The following TNFSF4 variants were observed in gnomAD, a reference collection of about 807,000 sequenced individuals.
The protein encoded by TNFSF4 is tumor necrosis factor ligand superfamily member 4.
TNFSF4 carries 4 observed loss-of-function variants against 7.3 expected under a neutral mutation model. The ratio of observed to expected loss-of-function variants is 0.55; its 90% CI spans 0.27 to 1.25. The LOEUF is 1.25. TNFSF4 is among the 50% of genes most tolerant of loss of function. The pLI is 0.12. For missense variants in TNFSF4, 181 were observed against 208.8 expected, an observed-to-expected ratio of 0.87 and a Z score of 0.82; for synonymous variants, 76 against 83.7, an observed-to-expected ratio of 0.91 and a Z score of 0.50.
the TNFSF4 span, among the ~76,000 whole-genome samples, chr1:173,335,322 C>A: frequency 6.6e-6 from 1 of 152,168 alleles, no homozygotes; most frequent in South Asian, 2.1e-4. Context: ...GAAGGCACAT[C>A]TTGACTGTGA....
chr1:173,260,365 C>A, the TNFSF4 span, among the ~76,000 whole-genome samples: 3 of 152,120 alleles, frequency 2.0e-5, no homozygotes, highest in Admixed American at 6.6e-5. Context: ...AAGGAAAAAC[C>A]ATTACCAGCC....
chr1:173,216,577 G>A, the TNFSF4 span, among the ~76,000 whole-genome samples: 1 of 152,272 alleles, frequency 6.6e-6, no homozygotes, highest in South Asian at 2.1e-4. Context: ...CAGAGACTGA[G>A]GGTGGATGGA....
the TNFSF4 span, among the ~76,000 whole-genome samples, chr1:173,403,155 G>T: frequency 1.3e-5 from 2 of 152,114 alleles, no homozygotes; most frequent in Non-Finnish European, 2.9e-5. Flanking sequence ...CCTGGCCCAA[G>T]AATTTGCATT....
At chr1:173,336,520 T>C in the TNFSF4 span, among the ~76,000 whole-genome samples, 7 of 152,146 alleles carry the variant, frequency 4.6e-5, no homozygotes, top group African/African-American at 1.7e-4. Flanking sequence ...AGAAGTAGTT[T>C]CAAGCAGTTT....
the TNFSF4 span, among the ~76,000 whole-genome samples, chr1:173,291,724 G>A: frequency 1.3e-5 from 2 of 151,750 alleles, no homozygotes; most frequent in Middle Eastern, 3.2e-3. Context: ...CTCTTTGAAA[G>A]AATAAGCAAG....
the TNFSF4 span, among the ~76,000 whole-genome samples, chr1:173,337,192 A>G: frequency 1.3e-5 from 2 of 152,110 alleles, no homozygotes; most frequent in Non-Finnish European, 2.9e-5. Flanking sequence ...TTGGAGCAAA[A>G]CCCTGCAATA....
chr1:173,384,686 T>G, the TNFSF4 span, among the ~76,000 whole-genome samples: 1 of 152,174 alleles, frequency 6.6e-6, no homozygotes, highest in Non-Finnish European at 1.5e-5. Flanking sequence ...ATGAAACAAA[T>G]TTTTAATATA....
chr1:173,446,382 C>T, the TNFSF4 span, among the ~76,000 whole-genome samples: 1 of 152,170 alleles, frequency 6.6e-6, no homozygotes, highest in Non-Finnish European at 1.5e-5. Flanking sequence ...AAAACCTGCA[C>T]ATGGATGTAC....
the TNFSF4 span, among the ~76,000 whole-genome samples, chr1:173,438,072 T>C: frequency 2.0e-5 from 3 of 152,092 alleles, no homozygotes; most frequent in Non-Finnish European, 2.9e-5. Context: ...TTCAGAAACA[T>C]GGTATGTCCC....
the TNFSF4 span, among the ~76,000 whole-genome samples, chr1:173,385,429 A>G: frequency 1.3e-5 from 2 of 152,378 alleles, no homozygotes; most frequent in East Asian, 3.9e-4. Context: ...CTCTATAGCT[A>G]AAAAGGCTAA....
chr1:173,332,212 C>G, the TNFSF4 span, among the ~76,000 whole-genome samples: 1 of 152,310 alleles, frequency 6.6e-6, no homozygotes, highest in African/African-American at 2.4e-5. Context: ...TCCAGCTGCT[C>G]TCACTCAGCA....
chr1:173,244,235 C>A, the TNFSF4 span, among the ~76,000 whole-genome samples: 4 of 152,074 alleles, frequency 2.6e-5, no homozygotes, highest in Non-Finnish European at 4.4e-5. Flanking sequence ...GGGCTGAGTC[C>A]CATGTCTGGT....
the TNFSF4 span, among the ~76,000 whole-genome samples, chr1:173,378,461 G>A: frequency 2.0e-5 from 3 of 152,164 alleles, no homozygotes; most frequent in East Asian, 5.8e-4. Flanking sequence ...GCATCAACAG[G>A]CTCACCCCTG....
At chr1:173,243,012 G>A in the TNFSF4 span, among the ~76,000 whole-genome samples, 2 of 113,394 alleles carry the variant, frequency 1.8e-5, 1 homozygote, top group Non-Finnish European at 3.7e-5. Flanking sequence ...GGTGGGGGGG[G>A]GGGGGGAGCA....
At chr1:173,366,447 G>A in the TNFSF4 span, among the ~76,000 whole-genome samples, 1 of 152,062 alleles carries the variant, frequency 6.6e-6, no homozygotes, top group African/African-American at 2.4e-5. Flanking sequence ...AGAGTGAAAG[G>A]ATGGTTACCA....
the TNFSF4 span, among the ~76,000 whole-genome samples, chr1:173,176,859 A>G: frequency 1.3e-5 from 2 of 152,202 alleles, no homozygotes; most frequent in Non-Finnish European, 2.9e-5. Context: ...TCCTAAGCAA[A>G]CTAATCCAGG....
chr1:173,230,674 A>C, the TNFSF4 span, among the ~76,000 whole-genome samples: 1 of 152,178 alleles, frequency 6.6e-6, no homozygotes, highest in South Asian at 2.1e-4. Context: ...AAATTGACAG[A>C]CCACTAGCAA....
In TNFSF4 at chr1:173,185,366, T is replaced by C. The variant is rs1649178024; in HGVS notation, c.*1150A>G. 6.6e-6 allele frequency: 1 copy of C among 152,198 alleles called. No homozygotes were observed. Among genetic ancestry groups the C allele is most frequent in the Non-Finnish European group, 1.5e-5 (1 of 68,038 alleles). The allele number at this position is 152,198 out of a possible 1,614,324, so 9.4% of individuals were successfully genotyped here. On this transcript the variant is annotated 3_prime_UTR_variant, in exon 3 of 3. Coordinates refer to ENST00000281834, the MANE Select transcript of TNFSF4 (RefSeq NM_003326.5). The stretch of plus-strand genomic sequence containing the variant: ...TAAACATAAGGGGATACTATTCCAT[T>C]GAAGCCCTGGCATAGGCTGATTATA...
At chr1:173,395,764 G>T in the TNFSF4 span, among the ~76,000 whole-genome samples, 1 of 152,006 alleles carries the variant, frequency 6.6e-6, no homozygotes, top group Non-Finnish European at 1.5e-5. Flanking sequence ...ATTGGGATGG[G>T]GACAGGTGAG....
Sources: allele counts gnomAD v4.1 joint callset (sites outside exome capture counted in the v4.1 genomes callset), GRCh38; gene constraint gnomAD v4.1.1; transcripts MANE v1.5; gene names NCBI Gene and HGNC (gene_info 2026-07-23, HGNC 2026-07-21).